FAM135B: variants seen among roughly 807,000 people sequenced by gnomAD.
FAM135B encodes family with sequence similarity 135 member B.
In FAM135B, 43 loss-of-function variants were observed where a neutral mutation model predicts 127.7. The ratio of observed to expected loss-of-function variants is 0.34; its 90% CI spans 0.26 to 0.43. FAM135B has a LOEUF of 0.43. FAM135B is among the 20% of genes least tolerant of loss of function. FAM135B has a pLI of 1.00. For missense variants in FAM135B, 1,558 were observed against 1,725.6 expected, an observed-to-expected ratio of 0.90 and a Z score of 1.72; for synonymous variants, 670 against 665.1, an observed-to-expected ratio of 1.01 and a Z score of -0.11.
intron 2 of FAM135B, among the ~76,000 whole-genome samples, chr8:138,324,425 G>A (rs760503530): frequency 2.0e-5 from 3 of 152,094 alleles, no homozygotes; most frequent in Non-Finnish European, 4.4e-5. Context: ...AATGACAAAG[G>A]GTAAAGCCAT....
intron 3 of FAM135B, among the ~76,000 whole-genome samples, chr8:138,307,735 A>T (rs373986595): frequency 0.022 from 5 of 232 alleles, no homozygotes; most frequent in Non-Finnish European, 0.11. Flanking sequence ...ATTGTGGTAA[A>T]AAAAAAAAAA....
At chr8:138,441,849 G>C (rs1317650724) in intron 1 of FAM135B, 2 of 151,916 alleles carry the variant, frequency 1.3e-5, no homozygotes, top group African/African-American at 2.4e-5. Context: ...GACTCAAAGA[G>C]TGCAGTCTTG....
intron 4 of FAM135B, among the ~76,000 whole-genome samples, chr8:138,259,460 C>A (rs1260687681): frequency 2.0e-5 from 3 of 152,154 alleles, no homozygotes; most frequent in Non-Finnish European, 4.4e-5. Flanking sequence ...GCATTGTTAT[C>A]GTGTGAACTA....
At chr8:138,337,363 T>C (rs980876934) in intron 2 of FAM135B, among the ~76,000 whole-genome samples, 9 of 152,094 alleles carry the variant, frequency 5.9e-5, no homozygotes, top group East Asian at 1.9e-4. Flanking sequence ...AAAACCCCAC[T>C]GTCTCAGCCC....
At chr8:138,293,113 A>G (rs1471155265) in intron 3 of FAM135B, among the ~76,000 whole-genome samples, 1 of 152,106 alleles carries the variant, frequency 6.6e-6, no homozygotes, top group Non-Finnish European at 1.5e-5. Context: ...CAACTAACTG[A>G]TCTTCAGCAA....
intron 7 of FAM135B, among the ~76,000 whole-genome samples, chr8:138,220,460 C>A (rs146950349): frequency 6.6e-6 from 1 of 152,148 alleles, no homozygotes; most frequent in Non-Finnish European, 1.5e-5. Context: ...GTGTCCTGCA[C>A]GACTGCTTAC....
At chr8:138,491,701 C>T (rs559359192) in intron 1 of FAM135B, among the ~76,000 whole-genome samples, 37 of 152,162 alleles carry the variant, frequency 2.4e-4, no homozygotes, top group South Asian at 2.1e-4. Flanking sequence ...CAGTGAACTA[C>T]GTAATATATT....
At chr8:138,438,321 G>A (rs1265891435) in intron 1 of FAM135B, 1 of 152,120 alleles carries the variant, frequency 6.6e-6, no homozygotes, top group East Asian at 1.9e-4. Context: ...CTCCATGAGA[G>A]TTCCTGGAAC....
intron 12 of FAM135B, among the ~76,000 whole-genome samples, chr8:138,158,775 T>C (rs2130836944): frequency 6.6e-6 from 1 of 152,254 alleles, no homozygotes; most frequent in African/African-American, 2.4e-5. Context: ...TGGTGATCAT[T>C]AAAACGTCAG....
chr8:138,171,629 G>C (rs144243636), intron 11 of FAM135B, among the ~76,000 whole-genome samples: 1 of 152,184 alleles, frequency 6.6e-6, no homozygotes, highest in Non-Finnish European at 1.5e-5. Flanking sequence ...CAGGGAACTA[G>C]GGAGCTCTGC....
chr8:138,306,298 G>A (rs1826249287), intron 3 of FAM135B, among the ~76,000 whole-genome samples: 1 of 151,906 alleles, frequency 6.6e-6, no homozygotes, highest in Non-Finnish European at 1.5e-5. Flanking sequence ...AACCAGGCAT[G>A]GTGGCACACA....
rs369966319 is a variant in FAM135B, at chr8:138,218,360, C to T, written c.670-20691G>A. On this transcript the variant is annotated intron_variant, in intron 7 of 19. Transcript: ENST00000395297. ...TCACTCTACACATTAATCATGAGAA[C>T]GACCATAGAAGTCACATGGGGATAG... Among the ~76,000 whole-genome samples, 40 of 152,242 alleles carry T rather than the reference C, an allele frequency of 2.6e-4. No individual in the cohort carries two copies. The South Asian group carries it at 6.2e-3, about 24-fold the overall frequency.
intron 5 of FAM135B, among the ~76,000 whole-genome samples, chr8:138,251,779 C>A (rs1821719292): frequency 6.6e-6 from 1 of 152,152 alleles, no homozygotes; most frequent in Non-Finnish European, 1.5e-5. Flanking sequence ...CCAGGAGGAC[C>A]CAGTGCTAAT....
rs1372699582 is a variant in FAM135B at position 138,250,954 on chromosome 8, G to A, written c.429C>T (p.His143=). The A allele has an allele frequency of 3.7e-6, 6 of 1,613,986 alleles. No individual in the cohort carries two copies. Among genetic ancestry groups the A allele is most frequent in the Non-Finnish European group, 5.1e-6 (6 of 1,180,000 alleles). ...CCTGGTGGTGCAGACCATTCCGGGG[G>A]TGGAAGTGCAGGCCAAGCGTTCGGC... ...VSSRTLGLHF[H]PRNGLHHQVP... Residue 143 remains histidine (H), a synonymous_variant, in exon 6 of 20, where the codon CAC becomes CAT. Coordinates refer to ENST00000395297, the MANE Select transcript of FAM135B (RefSeq NM_015912.4).
At chr8:138,265,077 G>A (rs1419674325) in intron 4 of FAM135B, among the ~76,000 whole-genome samples, 3 of 152,076 alleles carry the variant, frequency 2.0e-5, no homozygotes, top group Non-Finnish European at 1.5e-5. Context: ...CTAATAAAGC[G>A]AGCTCCCCAA....
intron 1 of FAM135B, among the ~76,000 whole-genome samples, chr8:138,403,394 A>C (rs1039909155): frequency 3.3e-5 from 5 of 152,118 alleles, no homozygotes; most frequent in East Asian, 1.9e-4. Context: ...ATGATATCCA[A>C]GTCAAGTCTA....
At chr8:138,324,070 G>C (rs1439414893) in intron 2 of FAM135B, among the ~76,000 whole-genome samples, 2 of 152,210 alleles carry the variant, frequency 1.3e-5, no homozygotes, top group Non-Finnish European at 2.9e-5. Context: ...AGGGTAGTAA[G>C]TGGTCAAAAG....
chr8:138,337,794 T>C (rs949662767), intron 2 of FAM135B, among the ~76,000 whole-genome samples: 4 of 152,298 alleles, frequency 2.6e-5, no homozygotes, highest in East Asian at 1.9e-4. Context: ...AGAGCCCGCA[T>C]TGCCAAATCA....
chr8:138,249,626 G>T (rs944015926), intron 6 of FAM135B, among the ~76,000 whole-genome samples: 1 of 152,162 alleles, frequency 6.6e-6, no homozygotes, highest in African/African-American at 2.4e-5. Flanking sequence ...GCAGCTCCTG[G>T]TCACGTGGCA....
Sources: allele counts gnomAD v4.1 joint callset (sites outside exome capture counted in the v4.1 genomes callset), GRCh38; gene constraint gnomAD v4.1.1; transcripts MANE v1.5; gene names NCBI Gene and HGNC (gene_info 2026-07-23, HGNC 2026-07-21).